VAV3: variants seen among roughly 807,000 people sequenced by gnomAD.
VAV3 encodes the protein guanine nucleotide exchange factor VAV3.
In VAV3, 94 loss-of-function variants were observed where a neutral mutation model predicts 131.2. The observed-to-expected ratio is 0.72, with a 90% CI of 0.61 to 0.85. VAV3 has a LOEUF of 0.85. VAV3 is among the 40% of genes least tolerant of loss of function. VAV3 has a pLI of 0.00. For missense variants in VAV3, 939 were observed against 1,002.7 expected (o/e 0.94, Z 0.86); for synonymous variants, 349 against 342.0 (o/e 1.02, Z -0.22).
At chr1:107,608,744 T>G (rs956459575) in intron 22 of VAV3, among the ~76,000 whole-genome samples, 1 of 152,204 alleles carries the variant, frequency 6.6e-6, no homozygotes, top group African/African-American at 2.4e-5. Flanking sequence ...CTCAGCATTT[T>G]CCATGCTTTT....
chr1:107,655,855 A>G (rs1348632321), intron 19 of VAV3, among the ~76,000 whole-genome samples: 2 of 152,154 alleles, frequency 1.3e-5, no homozygotes, highest in East Asian at 3.9e-4. Flanking sequence ...AAAATTCTCA[A>G]TATCAATAAC....
chr1:107,670,078 C>T (rs1657676142), intron 19 of VAV3, among the ~76,000 whole-genome samples: 1 of 152,184 alleles, frequency 6.6e-6, no homozygotes, highest in Admixed American at 6.5e-5. Flanking sequence ...TGAGTATTTT[C>T]ATCTCCATTT....
At chr1:107,609,273 A>G (rs530919994) in intron 22 of VAV3, among the ~76,000 whole-genome samples, 6 of 152,336 alleles carry the variant, frequency 3.9e-5, no homozygotes, top group African/African-American at 1.4e-4. Context: ...GAAAATAATA[A>G]TTACTATCCA....
chr1:107,621,446 T>G (rs910615254), intron 20 of VAV3, among the ~76,000 whole-genome samples: 13 of 152,052 alleles, frequency 8.5e-5, no homozygotes, highest in Admixed American at 8.5e-4. Flanking sequence ...TCTTGGTGGA[T>G]GTGTGTGGGA....
chr1:107,659,747 C>T (rs1380586624), intron 19 of VAV3, among the ~76,000 whole-genome samples: 4 of 152,088 alleles, frequency 2.6e-5, no homozygotes, highest in Non-Finnish European at 4.4e-5. Flanking sequence ...TATGCTGTTA[C>T]CCGCACTTGG....
rs954394274 is a variant in VAV3, at chr1:107,572,628, C to G, written c.*703G>C. ...AAGGTTTAATATGAAGACACCCTCTCTTTTGTGTGCTTTTTTCACCTTTTA... is the reference window on the plus strand; with the variant it reads ...AAGGTTTAATATGAAGACACCCTCTGTTTTGTGTGCTTTTTTCACCTTTTA... On this transcript the variant is annotated 3_prime_UTR_variant, in exon 27 of 27. Transcript: ENST00000370056. 1 of 152,612 alleles carries G rather than the reference C, an allele frequency of 6.6e-6. No individual in the cohort carries two copies. The highest frequency in any genetic ancestry group is 1.5e-5 in the Non-Finnish European group (1 of 68,040). 9.5% of individuals were successfully genotyped at this position (152,612 alleles called of 1,614,324 possible).
intron 1 of VAV3, among the ~76,000 whole-genome samples, chr1:107,884,106 T>C (rs1486031508): frequency 3.3e-5 from 5 of 149,598 alleles, no homozygotes; most frequent in Non-Finnish European, 5.9e-5. Flanking sequence ...AGAAGACAGC[T>C]AGCTCAAAGC....
intron 6 of VAV3, among the ~76,000 whole-genome samples, chr1:107,769,754 A>C (rs1209019524): frequency 2.0e-5 from 3 of 151,958 alleles, no homozygotes; most frequent in African/African-American, 7.3e-5. Context: ...TGTAATCTTC[A>C]CCATTCATGC....
At position 107,821,867 on chromosome 1, in the gene VAV3, A is replaced by G. The variant is rs549610558; in HGVS notation, c.322-42375T>C. On this transcript the variant is annotated intron_variant, in intron 2 of 26. Transcript: ENST00000370056. Reference sequence around the variant, plus strand: ...TTAACAAGAGCAAGGTCTCGTATAAAGAAAGTGATTTATTCCAAAGCTATC... The same window carrying G: ...TTAACAAGAGCAAGGTCTCGTATAAGGAAAGTGATTTATTCCAAAGCTATC... 9.2e-5 allele frequency among the ~76,000 whole-genome samples: 14 copies of G among 152,352 alleles called. No homozygotes were observed. In the East Asian group the frequency reaches 2.3e-3, roughly 25 times the overall value.
intron 2 of VAV3, among the ~76,000 whole-genome samples, chr1:107,785,105 T>C (rs1383309603): frequency 6.6e-6 from 1 of 152,202 alleles, no homozygotes; most frequent in African/African-American, 2.4e-5. Context: ...AAACTACCCA[T>C]TTTAAACTAT....
At chr1:107,790,872 G>T (rs12027220) in intron 2 of VAV3, among the ~76,000 whole-genome samples, 5 of 151,846 alleles carry the variant, frequency 3.3e-5, no homozygotes, top group South Asian at 4.2e-4. Context: ...ATTTTTACTA[G>T]AGACGGGGTT....
chr1:107,833,668 A>T (rs568977691), intron 2 of VAV3, among the ~76,000 whole-genome samples: 2 of 152,270 alleles, frequency 1.3e-5, no homozygotes, highest in South Asian at 2.1e-4. Flanking sequence ...AATATTCAGG[A>T]ATCAATTATA....
chr1:107,647,519 G>A (rs369854905), intron 19 of VAV3, among the ~76,000 whole-genome samples: 2 of 151,914 alleles, frequency 1.3e-5, no homozygotes, highest in Non-Finnish European at 2.9e-5. Flanking sequence ...TGAACTCTGA[G>A]ATAACAATAC....
chr1:107,846,139 A>G (rs532371520), intron 2 of VAV3, among the ~76,000 whole-genome samples: 1 of 152,346 alleles, frequency 6.6e-6, no homozygotes, highest in East Asian at 1.9e-4. Context: ...AGTGGGGGCC[A>G]ATATTCAACA....
chr1:107,791,340 G>T (rs1666276080), intron 2 of VAV3, among the ~76,000 whole-genome samples: 1 of 150,830 alleles, frequency 6.6e-6, no homozygotes, highest in South Asian at 2.1e-4. Context: ...AACTGTGCTG[G>T]CAGTTCAATA....
chr1:107,726,517 C>T (rs544316940), intron 15 of VAV3, among the ~76,000 whole-genome samples: 5 of 152,120 alleles, frequency 3.3e-5, no homozygotes, highest in African/African-American at 4.8e-5. Flanking sequence ...TACATAATAA[C>T]GCTCTGGCTT....
chr1:107,776,942 T>G (rs1183323027), intron 4 of VAV3, among the ~76,000 whole-genome samples: 3 of 152,260 alleles, frequency 2.0e-5, no homozygotes, highest in Admixed American at 1.3e-4. Flanking sequence ...TTCTTTTAAA[T>G]TGTTCCCTAA....
chr1:107,738,803 G>A lies in VAV3; in HGVS notation c.1502+10165C>T, dbSNP rs951950420. Among the ~76,000 whole-genome samples the A allele has an allele frequency of 2.0e-5, 3 of 152,218 alleles. No homozygotes were observed. In the East Asian group the frequency reaches 5.8e-4, roughly 29 times the overall value. On this transcript the variant is annotated intron_variant, in intron 15 of 26. Coordinates refer to ENST00000370056, the MANE Select transcript of VAV3 (RefSeq NM_006113.5). ...GTGGAGACTTTGTCATATACTTGGA[G>A]GAAACCATATACCAAGTTGACTTAG... is the stretch of plus-strand genomic sequence containing the variant.
intron 2 of VAV3, among the ~76,000 whole-genome samples, chr1:107,800,354 C>A (rs1666768315): frequency 1.3e-5 from 2 of 152,138 alleles, no homozygotes; most frequent in South Asian, 4.1e-4. Context: ...TCACCAGCAT[C>A]CATTATTCCC....
Sources: gnomAD v4.1 joint callset for allele counts (sites outside exome capture counted in the v4.1 genomes callset) on GRCh38, gnomAD v4.1.1 for gene constraint, MANE v1.5 for transcripts, NCBI Gene and HGNC (gene_info 2026-07-23, HGNC 2026-07-21) for gene names.